CHD1: variants seen among roughly 807,000 people sequenced by gnomAD.
The protein encoded by CHD1 is chromodomain helicase DNA binding protein 1.
Under a neutral mutation model 224.2 loss-of-function variants are expected in CHD1, and 36 were observed. The observed-to-expected ratio is 0.16, with a 90% CI of 0.12 to 0.21. CHD1 has a LOEUF of 0.21. Ranked by LOEUF, CHD1 falls within the 10% of genes least tolerant of loss-of-function variation. The pLI is 1.00. For missense variants in CHD1, 1,378 were observed against 1,994.8 expected (o/e 0.69, Z 5.89); for synonymous variants, 668 against 658.3 (o/e 1.01, Z -0.23).
At chr5:98,914,553 A>G (rs1265788117) in intron 2 of CHD1, among the ~76,000 whole-genome samples, 2 of 152,224 alleles carry the variant, frequency 1.3e-5, no homozygotes, top group East Asian at 3.8e-4. Flanking sequence ...TAAAAAGATA[A>G]AATACAACTG....
At chr5:98,903,034 G>T in intron 4 of CHD1, 70 bp from the exon 5 acceptor site, 3 of 887,462 alleles carry the variant, frequency 3.4e-6, no homozygotes, top group Non-Finnish European at 3.5e-6. Context: ...ATTTTTATTT[G>T]CTATACTATT....
chr5:98,911,146 A>ATATATATATATATATATAT (rs1554081078), intron 2 of CHD1, among the ~76,000 whole-genome samples: 12 of 39,108 alleles, frequency 3.1e-4, no homozygotes, highest in East Asian at 1.4e-3. Flanking sequence ...AAAAAAAAAA[A>ATATATATATATATATATAT]ATATATATAT....
chr5:98,927,887 A>C (rs1311197170), intron 1 of CHD1, among the ~76,000 whole-genome samples: 1 of 152,068 alleles, frequency 6.6e-6, no homozygotes, highest in South Asian at 2.1e-4. Flanking sequence ...CTCCAAGCGC[A>C]CACAGCGCTG....
At position 98,876,411 on chromosome 5, in the gene CHD1, C is replaced by A; in HGVS notation, c.3385G>T (p.Ala1129Ser). ...PRENIKGFSD[A>S]EIRRFIKSYK... ...ATAACACCTTACCGCCTAATTTCTG[C>A]ATCACTAAATCCTTTAATATTCTCC... The change falls in exon 24 of 36, where the codon GCA becomes TCA. Residue 1129 changes from alanine to serine, a missense_variant. Ala to Ser is a moderately conservative substitution (Grantham distance 99). Coordinates refer to ENST00000614616, the MANE Select transcript of CHD1 (RefSeq NM_001270.4). The A allele has an allele frequency of 6.2e-7, 1 of 1,613,746 alleles. No individual in the cohort carries two copies. The highest frequency in any genetic ancestry group is 8.5e-7 in the Non-Finnish European group (1 of 1,179,728).
Position 98,899,686 on chromosome 5 carries a change from G to T in CHD1, c.879C>A (p.Thr293=). ...CACCATCTGCTTCAACTGCATAGAT[G>T]GTTGTAGTAGCACCAGTAGCTGAAA... ...GRKGATGATT[T]IYAVEADGDP... Residue 293 remains threonine, a synonymous_variant, in exon 8 of 36, where the codon ACC becomes ACA. Transcript: ENST00000614616. 1 of 1,612,644 alleles carries T rather than the reference G, an allele frequency of 6.2e-7. No homozygotes were observed. The highest frequency in any genetic ancestry group is 1.1e-5 in the South Asian group (1 of 90,958).
intron 2 of CHD1, among the ~76,000 whole-genome samples, chr5:98,907,066 T>C (rs1157856526): frequency 2.0e-5 from 3 of 152,224 alleles, no homozygotes; most frequent in Non-Finnish European, 2.9e-5. Context: ...TCATTCCAGA[T>C]GCATAGCTAG....
chr5:98,872,750 G>A (rs748813868), intron 26 of CHD1, among the ~76,000 whole-genome samples, 195 bp from the exon 27 acceptor site: 2 of 152,066 alleles, frequency 1.3e-5, no homozygotes, highest in African/African-American at 2.4e-5. Context: ...GCAAATTCAC[G>A]AAAAGTATTT....
chr5:98,872,545 G>A lies in CHD1; in HGVS notation c.3582C>T (p.Leu1194=), dbSNP rs954196135. ...SSGTERTGGR[L]GKVKGPTFRI... is the part of the protein sequence containing the mutation. The stretch of plus-strand genomic sequence containing the variant: ...GGAATGTTGGACCCTTCACTTTTCC[G>A]AGTCTACCACCTTGATTTTTTTTAA... Residue 1194 remains leucine, a synonymous_variant, in exon 27 of 36, where the codon CTC becomes CTT. Coordinates refer to ENST00000614616, the MANE Select transcript of CHD1 (RefSeq NM_001270.4). 38 of 1,612,554 alleles carry A rather than the reference G, an allele frequency of 2.4e-5. No individual in the cohort carries two copies. Among genetic ancestry groups the A allele is most frequent in the South Asian group, 1.2e-4 (11 of 90,630 alleles).
At chr5:98,909,283 T>C (rs191959847) in intron 2 of CHD1, among the ~76,000 whole-genome samples, 56 of 152,346 alleles carry the variant, frequency 3.7e-4, no homozygotes, top group Admixed American at 1.3e-4. Flanking sequence ...TAACATATTT[T>C]TCTATCCCTT....
chr5:98,919,275 T>A (rs1752941701), intron 2 of CHD1, among the ~76,000 whole-genome samples: 1 of 152,192 alleles, frequency 6.6e-6, no homozygotes, highest in Admixed American at 6.5e-5. Flanking sequence ...GAACTGTGCA[T>A]CATTGAATAA....
intron 2 of CHD1, among the ~76,000 whole-genome samples, chr5:98,907,728 T>C (rs980247497): frequency 7.9e-5 from 12 of 152,028 alleles, no homozygotes; most frequent in African/African-American, 2.9e-4. Context: ...AAAATATTTA[T>C]ATATATTTGC....
chr5:98,875,185 A>T (rs1252970132), intron 24 of CHD1, 72 bp from the exon 25 acceptor site: 1 of 851,998 alleles, frequency 1.2e-6, no homozygotes, highest in Non-Finnish European at 1.9e-6. Context: ...TCTGATATTT[A>T]CAGATATAAG....
intron 2 of CHD1, among the ~76,000 whole-genome samples, chr5:98,907,806 G>A (rs1308185388): frequency 2.0e-5 from 3 of 151,862 alleles, no homozygotes; most frequent in African/African-American, 7.3e-5. Context: ...CCTAAAGAGA[G>A]GGAGGGAAGA....
At chr5:98,926,222 G>A in intron 2 of CHD1, 112 bp downstream of exon 2, 2 of 649,616 alleles carry the variant, frequency 3.1e-6, no homozygotes, top group Non-Finnish European at 5.2e-6. Context: ...AGGAAAACCT[G>A]AAAACTCTGC....
intron 32 of CHD1, chr5:98,860,291 C>A: frequency 4.1e-6 from 2 of 487,438 alleles, no homozygotes; most frequent in South Asian, 1.8e-5. Context: ...TCTTCCAAAT[C>A]GCTTCATTTT....
chr5:98,905,326 ATATTT>A (rs1460230285), intron 2 of CHD1, among the ~76,000 whole-genome samples: 1 of 152,228 alleles, frequency 6.6e-6, no homozygotes, highest in East Asian at 1.9e-4. Context: ...GATTTATGAC[ATATTT>A]TATAGATTTT....
chr5:98,913,722 G>A (rs2112600601), intron 2 of CHD1, among the ~76,000 whole-genome samples: 1 of 152,240 alleles, frequency 6.6e-6, no homozygotes, highest in East Asian at 1.9e-4. Flanking sequence ...AGGAAAAGAT[G>A]TTATTAGTTG....
intron 4 of CHD1, among the ~76,000 whole-genome samples, chr5:98,903,559 C>T (rs995097862): frequency 1.3e-5 from 2 of 152,062 alleles, no homozygotes; most frequent in Non-Finnish European, 2.9e-5. Flanking sequence ...TCTAATTTTG[C>T]TGTAATGAGC....
rs760494287 is a variant in CHD1, at chr5:98,869,769, A to G, written c.4092T>C (p.Asp1364=). ...DSSPLPSEKS[D]EDDDKLSESK... The stretch of plus-strand genomic sequence containing the variant: ...ACATTCTTACTTTATCATCATCTTC[A>G]TCAGACTTCTCTGAAGGCAGAGGAG... Residue 1364 remains aspartate (D), a synonymous_variant, in exon 30 of 36, where the codon GAT becomes GAC. Transcript: ENST00000614616. The G allele has an allele frequency of 6.2e-7, 1 of 1,613,374 alleles. No individual in the cohort carries two copies. Among genetic ancestry groups the G allele is most frequent in the South Asian group, 1.1e-5 (1 of 90,936 alleles).
Sources: allele counts gnomAD v4.1 joint callset (sites outside exome capture counted in the v4.1 genomes callset), GRCh38; gene constraint gnomAD v4.1.1; transcripts MANE v1.5; gene names NCBI Gene and HGNC (gene_info 2026-07-23, HGNC 2026-07-21).